The following MCUB variants were observed in gnomAD, a reference collection of about 807,000 sequenced individuals.
The protein encoded by MCUB is calcium uniporter regulatory subunit MCUb, mitochondrial.
A neutral mutation model predicts 41.4 loss-of-function variants in MCUB; 46 were observed. That is an observed-to-expected ratio of 1.11 (90% CI 0.88 to 1.42). The LOEUF is 1.42. MCUB is among the 40% of genes most tolerant of loss of function. The pLI is 0.00. For synonymous variants in MCUB, 148 were observed against 148.2 expected (o/e 1.00, Z 0.01); for missense variants, 403 against 404.9 (o/e 1.00, Z 0.04).
chr4:109,644,930 A>G (rs998444546), intron 1 of MCUB, among the ~76,000 whole-genome samples: 1 of 152,168 alleles, frequency 6.6e-6, no homozygotes, highest in Non-Finnish European at 1.5e-5. Flanking sequence ...ATCCCAGGTT[A>G]GTAGTAGTCT....
At chr4:109,667,840 TAA>T (rs1171388533) in intron 4 of MCUB, among the ~76,000 whole-genome samples, 3 of 151,776 alleles carry the variant, frequency 2.0e-5, no homozygotes, top group South Asian at 4.2e-4. Context: ...TAAATTTTGA[TAA>T]GTTGTATTTT....
intron 1 of MCUB, among the ~76,000 whole-genome samples, chr4:109,611,794 C>T (rs1728013903): frequency 6.6e-6 from 1 of 152,038 alleles, no homozygotes; most frequent in African/African-American, 2.4e-5. Flanking sequence ...TGGTTCATGC[C>T]TGTGAAAATG....
chr4:109,593,666 T>C (rs1727490013), intron 1 of MCUB, among the ~76,000 whole-genome samples: 1 of 152,240 alleles, frequency 6.6e-6, no homozygotes, highest in African/African-American at 2.4e-5. Flanking sequence ...AGCAGCTCTA[T>C]AATTAAGAAA....
chr4:109,572,493 T>C (rs1726936512), intron 1 of MCUB, among the ~76,000 whole-genome samples: 1 of 152,224 alleles, frequency 6.6e-6, no homozygotes, highest in Admixed American at 6.5e-5. Context: ...GTTATAAATA[T>C]GTTCTAAAAA....
intron 1 of MCUB, among the ~76,000 whole-genome samples, chr4:109,571,554 C>A (rs1280878984): frequency 6.6e-6 from 1 of 152,174 alleles, no homozygotes; most frequent in Non-Finnish European, 1.5e-5. Context: ...CTCAGGTGAT[C>A]CACCCTCCTC....
Position 109,608,709 on chromosome 4 carries a change from C to G in MCUB, c.99+48273C>G, listed in dbSNP as rs142658589. Among the ~76,000 whole-genome samples, 231 of 152,096 alleles carry G rather than the reference C, an allele frequency of 1.5e-3. 1 individual carries two copies. Among genetic ancestry groups the G allele is most frequent in the African/African-American group, 5.3e-3 (222 of 41,502 alleles). ...AGAGACAGGGTTTTGCCACGTTGCC[C>G]AGGCTGACCTCAAACTCCTGGGCTC... is the stretch of plus-strand genomic sequence containing the variant. On this transcript the variant is annotated intron_variant, in intron 1 of 7. Transcript: ENST00000394650.
intron 7 of MCUB, among the ~76,000 whole-genome samples, chr4:109,685,592 T>G (rs1374732898): frequency 6.6e-6 from 1 of 152,246 alleles, no homozygotes; most frequent in Non-Finnish European, 1.5e-5. Context: ...TAAAATTTCT[T>G]AAATGACTTG....
At chr4:109,634,931 C>A (rs1488038589) in intron 1 of MCUB, among the ~76,000 whole-genome samples, 2 of 152,124 alleles carry the variant, frequency 1.3e-5, no homozygotes, top group African/African-American at 4.8e-5. Flanking sequence ...TTAGGTATTT[C>A]TCCTAATGCT....
At chr4:109,660,164 A>G (rs757102911) in intron 2 of MCUB, 31 bp from the exon 3 acceptor site, 1 of 1,094,788 alleles carries the variant, frequency 9.1e-7, no homozygotes, top group South Asian at 1.6e-5. Flanking sequence ...AGTAAAATTT[A>G]CTCATTTTTT....
intron 1 of MCUB, among the ~76,000 whole-genome samples, chr4:109,617,959 A>G (rs886522051): frequency 4.6e-5 from 7 of 152,154 alleles, no homozygotes; most frequent in Non-Finnish European, 1.0e-4. Flanking sequence ...TTCACATGTA[A>G]CTTCTTGTAT....
At chr4:109,624,628 G>A (rs183425252) in intron 1 of MCUB, among the ~76,000 whole-genome samples, 20 of 152,294 alleles carry the variant, frequency 1.3e-4, no homozygotes, top group African/African-American at 4.8e-4. Flanking sequence ...AATCAAACTG[G>A]AGGAAGAAAG....
At position 109,688,222 on chromosome 4, in the gene MCUB, C is replaced by G. The variant is rs1032001906; in HGVS notation, c.*630C>G. 3 of 152,180 alleles carry G rather than the reference C, an allele frequency of 2.0e-5. No individual in the cohort carries two copies. Among genetic ancestry groups the G allele is most frequent in the Non-Finnish European group, 4.4e-5 (3 of 68,074 alleles). The allele number at this position is 152,180 out of a possible 1,614,324, so 9.4% of individuals were successfully genotyped here. On this transcript the variant is annotated 3_prime_UTR_variant, in exon 8 of 8. Coordinates refer to ENST00000394650, the MANE Select transcript of MCUB (RefSeq NM_017918.5). ...AGCCAAAACAGTTAACTTTCTTCAG[C>G]CTCTGGCAGATTATTAACAAAACAG...
intron 1 of MCUB, among the ~76,000 whole-genome samples, chr4:109,562,705 A>G (rs1726669946): frequency 6.6e-6 from 1 of 152,202 alleles, no homozygotes; most frequent in Admixed American, 6.5e-5. Context: ...GCTTGCAAGG[A>G]CTTGTCGTAA....
intron 1 of MCUB, among the ~76,000 whole-genome samples, chr4:109,589,558 C>T (rs1301802934): frequency 2.0e-5 from 3 of 152,158 alleles, no homozygotes. Flanking sequence ...ATCCTCCGTG[C>T]TGGGATGTGG....
chr4:109,572,194 C>A (rs971982599), intron 1 of MCUB, among the ~76,000 whole-genome samples: 1 of 152,190 alleles, frequency 6.6e-6, no homozygotes, highest in Non-Finnish European at 1.5e-5. Flanking sequence ...GCCCTCCAGG[C>A]GTATCATAAT....
chr4:109,603,957 G>A (rs1727811363), intron 1 of MCUB, among the ~76,000 whole-genome samples: 1 of 152,176 alleles, frequency 6.6e-6, no homozygotes, highest in African/African-American at 2.4e-5. Flanking sequence ...GGGGAAATGT[G>A]GGGAAAAGAA....
At chr4:109,601,641 T>G (rs1727747985) in intron 1 of MCUB, among the ~76,000 whole-genome samples, 1 of 152,238 alleles carries the variant, frequency 6.6e-6, no homozygotes, top group South Asian at 2.1e-4. Context: ...CATCTGTTGA[T>G]GGACACTTAG....
chr4:109,679,965 C>G (rs1426713304), intron 4 of MCUB, among the ~76,000 whole-genome samples: 2 of 152,098 alleles, frequency 1.3e-5, no homozygotes, highest in Non-Finnish European at 2.9e-5. Flanking sequence ...CCATGCCCAG[C>G]TGATTTTTGT....
chr4:109,598,136 T>C, intron 1 of MCUB, among the ~76,000 whole-genome samples: 2 of 130,614 alleles, frequency 1.5e-5, no homozygotes, highest in Non-Finnish European at 3.3e-5. Flanking sequence ...GAGGGGCTCC[T>C]CACATCCCAG....
Sources: allele counts gnomAD v4.1 joint callset (sites outside exome capture counted in the v4.1 genomes callset), GRCh38; gene constraint gnomAD v4.1.1; transcripts MANE v1.5; gene names NCBI Gene and HGNC (gene_info 2026-07-23, HGNC 2026-07-21).